TMEM117: variants seen among roughly 807,000 people sequenced by gnomAD.
The protein encoded by TMEM117 is transmembrane protein 117.
Under a neutral mutation model 52.4 loss-of-function variants are expected in TMEM117, and 27 were observed. The observed-to-expected ratio is 0.51, with a 90% CI of 0.38 to 0.71. The LOEUF is 0.71. Among genes scored for constraint, TMEM117 ranks in the 30% least tolerant of loss-of-function variants. The pLI is 0.00. For synonymous variants in TMEM117, 215 were observed against 206.3 expected (o/e 1.04, Z -0.36); for missense variants, 556 against 630.5 (o/e 0.88, Z 1.26).
intron 6 of TMEM117, among the ~76,000 whole-genome samples, chr12:44,309,743 A>G (rs1650955211): frequency 6.6e-6 from 1 of 151,620 alleles, no homozygotes; most frequent in African/African-American, 2.4e-5. Flanking sequence ...CCTAAGGCAC[A>G]CAGATACAGT....
At chr12:43,904,418 A>C (rs561196130) in intron 2 of TMEM117, among the ~76,000 whole-genome samples, 1 of 152,284 alleles carries the variant, frequency 6.6e-6, no homozygotes, top group African/African-American at 2.4e-5. Flanking sequence ...TTAGTGTTTT[A>C]AATTCTATTT....
intron 2 of TMEM117, among the ~76,000 whole-genome samples, chr12:43,905,775 A>C (rs751159584): frequency 1.3e-5 from 2 of 152,186 alleles, no homozygotes; most frequent in Non-Finnish European, 2.9e-5. Flanking sequence ...GAGCAAACTC[A>C]GTCCTGAGTC....
intron 5 of TMEM117, among the ~76,000 whole-genome samples, chr12:44,214,137 AATTT>A (rs1395387114): frequency 1.1e-5 from 1 of 93,410 alleles, no homozygotes; most frequent in African/African-American, 5.1e-5. Flanking sequence ...TTTTTTTTTT[AATTT>A]TTTTTTTTTT....
chr12:44,045,947 G>C (rs1946875310), intron 3 of TMEM117, among the ~76,000 whole-genome samples: 1 of 152,228 alleles, frequency 6.6e-6, no homozygotes, highest in Non-Finnish European at 1.5e-5. Flanking sequence ...TTGATTGATA[G>C]AATGGTGGAA....
At chr12:43,824,267 T>G in the TMEM117 span, among the ~76,000 whole-genome samples, 1 of 152,178 alleles carries the variant, frequency 6.6e-6, no homozygotes, top group Non-Finnish European at 1.5e-5. Flanking sequence ...AGAAGAGTGA[T>G]TTCACTAAGG....
chr12:43,950,116 C>T (rs1275534117), intron 3 of TMEM117, among the ~76,000 whole-genome samples: 1 of 152,160 alleles, frequency 6.6e-6, no homozygotes, highest in African/African-American at 2.4e-5. Context: ...AACCAATACT[C>T]TGATTTGCTG....
chr12:44,081,277 G>A (rs533312114), intron 3 of TMEM117, among the ~76,000 whole-genome samples: 2 of 152,194 alleles, frequency 1.3e-5, no homozygotes, highest in East Asian at 1.9e-4. Context: ...AGTAATATTT[G>A]TCATGTCTCT....
At chr12:43,870,911 A>T (rs1943692800) in intron 2 of TMEM117, among the ~76,000 whole-genome samples, 1 of 151,810 alleles carries the variant, frequency 6.6e-6, no homozygotes, top group South Asian at 2.1e-4. Flanking sequence ...CAGCCTCCCC[A>T]GTAGCTGAGA....
intron 3 of TMEM117, chr12:44,009,072 G>T: frequency 2.7e-6 from 1 of 369,264 alleles, no homozygotes; most frequent in East Asian, 8.8e-5. Context: ...TTTCTCTCCT[G>T]TGTGGTGTTT....
chr12:43,857,252 A>T (rs1191055660), intron 2 of TMEM117, among the ~76,000 whole-genome samples: 1 of 152,132 alleles, frequency 6.6e-6, no homozygotes, highest in Non-Finnish European at 1.5e-5. Flanking sequence ...GGACTTAATA[A>T]ACTAACTTAG....
At chr12:43,980,340 G>T (rs1194692798) in intron 3 of TMEM117, among the ~76,000 whole-genome samples, 1 of 152,116 alleles carries the variant, frequency 6.6e-6, no homozygotes, top group East Asian at 1.9e-4. Flanking sequence ...TTGCCTTTGT[G>T]CATGATATTG....
intron 3 of TMEM117, among the ~76,000 whole-genome samples, chr12:44,128,629 T>A (rs899568952): frequency 6.6e-6 from 1 of 152,178 alleles, no homozygotes; most frequent in African/African-American, 2.4e-5. Flanking sequence ...GGGCTGGGTA[T>A]GCTCCTAAGC....
At chr12:44,203,669 A>G (rs894179646) in intron 4 of TMEM117, among the ~76,000 whole-genome samples, 2 of 152,128 alleles carry the variant, frequency 1.3e-5, no homozygotes, top group Admixed American at 1.3e-4. Context: ...CATTTGTTTC[A>G]TAGAACTTTT....
intron 5 of TMEM117, among the ~76,000 whole-genome samples, chr12:44,220,320 G>T (rs1949771552): frequency 6.6e-6 from 1 of 152,146 alleles, no homozygotes; most frequent in Non-Finnish European, 1.5e-5. Flanking sequence ...GTCAAAGACT[G>T]AAGTTAACAG....
In TMEM117 at chr12:44,172,606, G is replaced by T. The variant is rs572917540; in HGVS notation, c.510+28982G>T. Among the ~76,000 whole-genome samples, 3 of 152,220 alleles carry T rather than the reference G, an allele frequency of 2.0e-5. No homozygotes were observed. In the East Asian group the frequency reaches 5.8e-4, roughly 29 times the overall value. Reference sequence around the variant, plus strand: ...TTTCCAAATAAGGTCACATTCTCTGGGGGCTAGGATTTCAATATATACTTT... The same window carrying T: ...TTTCCAAATAAGGTCACATTCTCTGTGGGCTAGGATTTCAATATATACTTT... On this transcript the variant is annotated intron_variant, in intron 4 of 7. Transcript: ENST00000266534.
rs990067459 is a variant in TMEM117 at position 43,836,135 on chromosome 12, G to T, written c.-90G>T. 1.3e-5 allele frequency: 2 copies of T among 151,996 alleles called. No individual in the cohort carries two copies. The highest frequency in any genetic ancestry group is 1.3e-4 in the Admixed American group (2 of 15,256). 9.4% of individuals were successfully genotyped at this position (151,996 alleles called of 1,614,324 possible). A position where few individuals can be genotyped will look rare whatever the true frequency, so the allele number is the denominator to read the frequency against. On this transcript the variant is annotated 5_prime_UTR_variant, in exon 1 of 8. Transcript: ENST00000266534. ...TTCCCAGCGAGGCCGCCGGCGCGCC[G>T]AGGGCTGTGCTCGACCGCGAATCCC... is the stretch of plus-strand genomic sequence containing the variant.
At chr12:44,207,008 CAAG>C (rs1949577279) in intron 4 of TMEM117, among the ~76,000 whole-genome samples, 1 of 151,996 alleles carries the variant, frequency 6.6e-6, no homozygotes, top group Non-Finnish European at 1.5e-5. Context: ...ACAATTAAAG[CAAG>C]AAGAAACTAT....
intron 3 of TMEM117, among the ~76,000 whole-genome samples, chr12:44,043,276 GC>G (rs1434484607): frequency 1.3e-5 from 2 of 152,176 alleles, no homozygotes; most frequent in Non-Finnish European, 2.9e-5. Context: ...TAGAGAAAGA[GC>G]TGAAATTGTG....
chr12:44,004,471 C>T (rs1430872654), intron 3 of TMEM117, among the ~76,000 whole-genome samples: 1 of 152,150 alleles, frequency 6.6e-6, no homozygotes, highest in African/African-American at 2.4e-5. Flanking sequence ...GAATGGAGCC[C>T]TCTGCAGGAA....
Sources: allele counts gnomAD v4.1 joint callset (sites outside exome capture counted in the v4.1 genomes callset), GRCh38; gene constraint gnomAD v4.1.1; transcripts MANE v1.5; gene names NCBI Gene and HGNC (gene_info 2026-07-23, HGNC 2026-07-21).